CMC2: variants seen among roughly 807,000 people sequenced by gnomAD.
CMC2 encodes C-X9-C motif containing 2.
CMC2 carries 5 observed loss-of-function variants against 7.5 expected under a neutral mutation model. The ratio of observed to expected loss-of-function variants is 0.66; its 90% confidence interval spans 0.35 to 1.40. The LOEUF (loss-of-function observed/expected upper bound fraction) is 1.40, where lower values mean the gene tolerates loss of function less well. Ranked by LOEUF, CMC2 falls within the 40% of genes most tolerant of loss-of-function variation. CMC2 has a pLI of 0.04. For synonymous variants in CMC2, 37 were observed against 31.4 expected (o/e 1.18, Z -0.60); for missense variants, 115 against 92.3 (o/e 1.25, Z -1.01).
intron 3 of CMC2, among the ~76,000 whole-genome samples, 179 bp downstream of exon 3, chr16:80,981,627 A>G (rs564814238): frequency 6.6e-6 from 1 of 152,356 alleles, no homozygotes; most frequent in East Asian, 1.9e-4. Flanking sequence ...GCCATGTTCT[A>G]AAACTGTCCC....
intron 2 of CMC2, among the ~76,000 whole-genome samples, chr16:80,984,348 T>C (rs1967360621): frequency 6.6e-6 from 1 of 152,254 alleles, no homozygotes; most frequent in Non-Finnish European, 1.5e-5. Context: ...CTTTTCGTTC[T>C]AATTAAGGCT....
Position 80,967,798 on chromosome 16 carries a change from T to G in CMC2, c.*8295A>C, listed in dbSNP as rs528473373. 1 of 152,372 alleles carries G rather than the reference T, an allele frequency of 6.6e-6. No homozygotes were observed. Among genetic ancestry groups the G allele is most frequent in the South Asian group, 2.1e-4 (1 of 4,830 alleles). The allele number at this position is 152,372 out of a possible 1,614,324, so 9.4% of individuals were successfully genotyped here. On this transcript the variant is annotated 3_prime_UTR_variant, in exon 4 of 4. Transcript: ENST00000219400. ...AGAATTGCAGAATGCTTTACTTTCT[T>G]AGCCCTCTACTCGCCAGAGTTGAGG...
At position 80,986,652 on chromosome 16, in the gene CMC2, G is replaced by C. The variant is rs138148252; in HGVS notation, c.82-4775C>G. On this transcript the variant is annotated intron_variant, in intron 2 of 3. Coordinates refer to ENST00000219400, the MANE Select transcript of CMC2 (RefSeq NM_020188.5). Reference sequence around the variant, plus strand: ...CTGGCAAAGGAGAACAATGGTTCAAGAGAGATTCGGCAGAGAACACACAGC... The same window carrying C: ...CTGGCAAAGGAGAACAATGGTTCAACAGAGATTCGGCAGAGAACACACAGC... Among the ~76,000 whole-genome samples, 9 of 152,364 alleles carry C rather than the reference G, an allele frequency of 5.9e-5. No individual in the cohort carries two copies. In the East Asian group the frequency reaches 1.7e-3, roughly 29 times the overall value.
intron 2 of CMC2, among the ~76,000 whole-genome samples, chr16:80,994,410 T>A (rs144339992): frequency 1.5e-5 from 2 of 129,492 alleles, no homozygotes; most frequent in East Asian, 4.6e-4. Flanking sequence ...AAGCTACTCT[T>A]TGAAACACAT....
At position 80,972,542 on chromosome 16, in the gene CMC2, C is replaced by G. The variant is rs936647479; in HGVS notation, c.*3551G>C. On this transcript the variant is annotated 3_prime_UTR_variant, in exon 4 of 4. Coordinates refer to ENST00000219400, the MANE Select transcript of CMC2 (RefSeq NM_020188.5). Reference sequence around the variant, plus strand: ...TTCATTTATAAAAGGTGAGAAACAGCTCAACTTTCTAGCCTCACTCTTAAG... The same window carrying G: ...TTCATTTATAAAAGGTGAGAAACAGGTCAACTTTCTAGCCTCACTCTTAAG... 1.3e-5 allele frequency: 2 copies of G among 152,176 alleles called. No homozygotes were observed. The highest frequency in any genetic ancestry group is 1.3e-4 in the Admixed American group (2 of 15,274). 9.4% of individuals were successfully genotyped at this position (152,176 alleles called of 1,614,324 possible). A position where few individuals can be genotyped will look rare whatever the true frequency, so the allele number is the denominator to read the frequency against.
At chr16:80,979,000 G>A (rs9939619) in intron 3 of CMC2, among the ~76,000 whole-genome samples, 2,169 of 152,062 alleles carry the variant, frequency 0.014, 45 homozygotes, top group African/African-American at 0.049. Flanking sequence ...AGAATGGCGT[G>A]AACCCGGGAG....
chr16:80,988,531 A>G, intron 2 of CMC2: 1 of 701,160 alleles, frequency 1.4e-6, no homozygotes, highest in Non-Finnish European at 2.6e-6. Flanking sequence ...TTATCCTTCT[A>G]GCTCTTACAT....
intron 2 of CMC2, among the ~76,000 whole-genome samples, chr16:80,986,788 T>C (rs16954399): frequency 0.058 from 8,847 of 152,256 alleles, 377 homozygotes; most frequent in East Asian, 0.21. Flanking sequence ...GATAAATTTG[T>C]ATCTGGACAT....
At position 80,967,712 on chromosome 16, in the gene CMC2, T is replaced by C. The variant is rs562472300; in HGVS notation, c.*8381A>G. 110 of 152,318 alleles carry C rather than the reference T, an allele frequency of 7.2e-4. No homozygotes were observed. Among genetic ancestry groups the C allele is most frequent in the African/African-American group, 2.5e-3 (104 of 41,576 alleles). 9.4% of individuals were successfully genotyped at this position (152,318 alleles called of 1,614,324 possible). The stretch of plus-strand genomic sequence containing the variant: ...AATCCAATCATAGCATTTTAGGAAA[T>C]ATGGATGCTCTGTAAGCAAATACTC... On this transcript the variant is annotated 3_prime_UTR_variant, in exon 4 of 4. Coordinates refer to ENST00000219400, the MANE Select transcript of CMC2 (RefSeq NM_020188.5).
At chr16:81,003,534 G>A (rs1374976600) in intron 1 of CMC2, among the ~76,000 whole-genome samples, 1 of 152,154 alleles carries the variant, frequency 6.6e-6, no homozygotes, top group African/African-American at 2.4e-5. Flanking sequence ...AGGTCACACA[G>A]TAGTTAGCTG....
Position 80,997,304 on chromosome 16 carries a change from G to GTA in CMC2, c.81+9_81+10insTA. On this transcript the variant is annotated intron_variant, in intron 2 of 3. Coordinates refer to ENST00000219400, the MANE Select transcript of CMC2 (RefSeq NM_020188.5). ...ATTTTGGCTGTACAGTCGTTTTTCT[G>GTA]AACTCTTACATTTTTGTGACATTCC... is the stretch of plus-strand genomic sequence containing the variant. The GTA allele has an allele frequency of 2.2e-6, 2 of 925,846 alleles. No homozygotes were observed. Among genetic ancestry groups the GTA allele is most frequent in the Non-Finnish European group, 3.4e-6 (2 of 586,820 alleles). 57.4% of individuals were successfully genotyped at this position (925,846 alleles called of 1,614,324 possible). A position where few individuals can be genotyped will look rare whatever the true frequency, so the allele number is the denominator to read the frequency against.
rs1384041110 is a variant in CMC2, at chr16:80,974,950, C to T, written c.*1143G>A. The T allele has an allele frequency of 6.6e-6, 1 of 152,292 alleles. No homozygotes were observed. The highest frequency in any genetic ancestry group is 1.9e-4 in the East Asian group (1 of 5,198). 9.4% of individuals were successfully genotyped at this position (152,292 alleles called of 1,614,324 possible). ...TGATGGGGAAGTCACTTATTAAACA[C>T]CAACACCAACAAGGCCTCATGCTGG... On this transcript the variant is annotated 3_prime_UTR_variant, in exon 4 of 4. Transcript: ENST00000219400.
intron 2 of CMC2, among the ~76,000 whole-genome samples, chr16:80,992,184 C>A (rs1006303220): frequency 1.5e-4 from 23 of 152,158 alleles, no homozygotes; most frequent in African/African-American, 5.6e-4. Context: ...AAAACAAAGT[C>A]TATTTAAAAA....
chr16:80,989,016 G>T (rs116003354), intron 2 of CMC2, among the ~76,000 whole-genome samples: 2,790 of 152,228 alleles, frequency 0.018, 87 homozygotes, highest in African/African-American at 0.064. Flanking sequence ...AAGTGATGTT[G>T]TGTCTTCAGT....
intron 2 of CMC2, among the ~76,000 whole-genome samples, chr16:80,992,724 T>C (rs1478507222): frequency 5.5e-5 from 8 of 146,310 alleles, no homozygotes; most frequent in Non-Finnish European, 1.1e-4. Flanking sequence ...TTTTTTTTTG[T>C]GTAAAGACAG....
chr16:80,978,937 T>C (rs757788262), intron 3 of CMC2, among the ~76,000 whole-genome samples: 12 of 152,028 alleles, frequency 7.9e-5, no homozygotes, highest in Admixed American at 5.2e-4. Flanking sequence ...AAAAATTAGC[T>C]GGGCGTGGTG....
chr16:80,993,834 G>C (rs568384417), intron 2 of CMC2, among the ~76,000 whole-genome samples: 2 of 152,176 alleles, frequency 1.3e-5, no homozygotes, highest in East Asian at 3.9e-4. Context: ...GTTTTTTGTA[G>C]AAAATGACAA....
At chr16:80,981,376 A>G (rs1358307335) in intron 3 of CMC2, among the ~76,000 whole-genome samples, 1 of 151,546 alleles carries the variant, frequency 6.6e-6, no homozygotes, top group East Asian at 1.9e-4. Context: ...TACACAAACC[A>G]TAACTACAAA....
At chr16:81,005,401 G>C (rs1969204421) in intron 1 of CMC2, among the ~76,000 whole-genome samples, 1 of 151,298 alleles carries the variant, frequency 6.6e-6, no homozygotes, top group South Asian at 2.1e-4. Context: ...GACAAAACAA[G>C]ACGCCGTCTC....
Sources: allele counts gnomAD v4.1 joint callset (sites outside exome capture counted in the v4.1 genomes callset), GRCh38; gene constraint gnomAD v4.1.1; transcripts MANE v1.5; gene names NCBI Gene and HGNC (gene_info 2026-07-23, HGNC 2026-07-21).